Variants in RYR1 observed in about 807,000 individuals in gnomAD.
RYR1 encodes the protein central core disease of muscle.
A neutral mutation model predicts 583.5 loss-of-function variants in RYR1; 342 were observed. That is an observed-to-expected ratio of 0.59 (90% CI 0.54 to 0.64). The LOEUF (loss-of-function observed/expected upper bound fraction) is 0.64, where lower values mean the gene tolerates loss of function less well. Ranked by LOEUF, RYR1 falls within the 30% of genes least tolerant of loss-of-function variation. The pLI is 0.00. For synonymous variants in RYR1, 2,791 were observed against 2,822.5 expected, an observed-to-expected ratio of 0.99 and a Z score of 0.35; for missense variants, 6,032 against 6,917.2, an observed-to-expected ratio of 0.87 and a Z score of 4.54.
intron 2 of RYR1, among the ~76,000 whole-genome samples, chr19:38,441,671 G>A (rs1972692550): frequency 6.6e-6 from 1 of 151,290 alleles, no homozygotes; most frequent in Non-Finnish European, 1.5e-5. Flanking sequence ...GAAGGAGCCT[G>A]GGGTCTGAAA....
At chr19:38,501,779 T>C (rs2145609828) in intron 47 of RYR1, among the ~76,000 whole-genome samples, 1 of 152,036 alleles carries the variant, frequency 6.6e-6, no homozygotes, top group East Asian at 1.9e-4. Flanking sequence ...AAGCCAGGAT[T>C]TTGAGACCAG....
At chr19:38,449,281 GA>G (rs1363232349) in intron 11 of RYR1, among the ~76,000 whole-genome samples, 1 of 151,952 alleles carries the variant, frequency 6.6e-6, no homozygotes, top group Admixed American at 6.6e-5. Context: ...CCAACATGGT[GA>G]AACCCTGTCT....
chr19:38,434,234 C>G (rs1276636683), intron 1 of RYR1, among the ~76,000 whole-genome samples: 5 of 152,048 alleles, frequency 3.3e-5, no homozygotes, highest in Non-Finnish European at 5.9e-5. Context: ...GCCATCCCCC[C>G]ACCCCCACCT....
Position 38,512,243 on chromosome 19 carries a change from A to G in RYR1, c.9234-2A>G. 6.2e-7 allele frequency: 1 copy of G among 1,614,130 alleles called. No homozygotes were observed. On this transcript the variant is annotated splice_acceptor_variant, in intron 62 of 105. Transcript: ENST00000359596. LOFTEE classifies it high-confidence loss of function. The surrounding 1 kb of genome is among the most constrained non-coding windows in gnomAD (Gnocchi z 5.1). ...GCTGATGTTCCCCCGCTGCCCTTCT[A>G]GGACAGTGATGAAGTCAGGCCCTGA...
At position 38,587,458 on chromosome 19, in the gene RYR1, C is replaced by A; in HGVS notation, c.*38C>A. 6.7e-7 allele frequency: 1 copy of A among 1,491,326 alleles called. No individual in the cohort carries two copies. 92.4% of individuals were successfully genotyped at this position (1,491,326 alleles called of 1,614,324 possible). On this transcript the variant is annotated 3_prime_UTR_variant, in exon 106 of 106. Coordinates refer to ENST00000359596, the MANE Select transcript of RYR1 (RefSeq NM_000540.3). Reference sequence around the variant, plus strand: ...TGGCCCTCCACCCCCACCTCAAGTGCCTTATTCTCACAGCAAGCCCCTTAG... The same window carrying A: ...TGGCCCTCCACCCCCACCTCAAGTGACTTATTCTCACAGCAAGCCCCTTAG...
Position 38,502,887 on chromosome 19 carries a change from C to A in RYR1, c.7843C>A (p.Arg2615Ser). The change falls in exon 49 of 106, where the codon CGC (arginine) becomes AGC (serine). Residue 2615 changes from arginine to serine, a missense_variant. By Grantham distance (110) the Arg-to-Ser change is moderately radical. Transcript: ENST00000359596. Reference protein sequence around the residue: ...DCLMSLCRYIRPSMLQHLLRR... With the variant: ...DCLMSLCRYISPSMLQHLLRR... ...TTGTGCATTGTCCCGCAGGTACATCCGCCCGTCGATGCTGCAGCACCTGTT... is the reference window on the plus strand; with the variant it reads ...TTGTGCATTGTCCCGCAGGTACATCAGCCCGTCGATGCTGCAGCACCTGTT... 1.2e-6 allele frequency: 2 copies of A among 1,610,984 alleles called. No individual in the cohort carries two copies. The highest frequency in any genetic ancestry group is 1.7e-6 in the Non-Finnish European group (2 of 1,179,956).
At chr19:38,477,582 T>A (rs1968797022) in intron 29 of RYR1, 128 bp from the exon 30 acceptor site, 4 of 1,123,398 alleles carry the variant, frequency 3.6e-6, no homozygotes, top group Non-Finnish European at 5.3e-6. Context: ...GGTGGGGGAC[T>A]CAGATCCAAC....
intron 88 of RYR1, among the ~76,000 whole-genome samples, chr19:38,547,717 T>C (rs1454454940): frequency 7.0e-6 from 1 of 143,384 alleles, no homozygotes; most frequent in Non-Finnish European, 1.5e-5. Context: ...ATCATCATTA[T>C]CTTTTTTTTT....
At position 38,534,826 on chromosome 19, in the gene RYR1, C is replaced by T; in HGVS notation, c.11359+7C>T. On this transcript the variant is annotated splice_region_variant and intron_variant, in intron 79 of 105. Transcript: ENST00000359596. ...ATGATCAGTGCCTGCAAAGGTGCCCCTCACATGTGCACTGGACTCTTCCGA... is the reference window on the plus strand; with the variant it reads ...ATGATCAGTGCCTGCAAAGGTGCCCTTCACATGTGCACTGGACTCTTCCGA... 4 of 1,609,134 alleles carry T rather than the reference C, an allele frequency of 2.5e-6. No individual in the cohort carries two copies. Among genetic ancestry groups the T allele is most frequent in the African/African-American group, 2.7e-5 (2 of 75,010 alleles).
intron 26 of RYR1, 62 bp downstream of exon 26, chr19:38,469,202 A>G: frequency 6.2e-7 from 1 of 1,609,180 alleles, no homozygotes; most frequent in Non-Finnish European, 8.5e-7. Context: ...CCAACCCTGC[A>G]CTGCCCTTCT....
intron 2 of RYR1, among the ~76,000 whole-genome samples, chr19:38,441,528 A>T (rs1380656160): frequency 2.1e-5 from 2 of 94,374 alleles, no homozygotes; most frequent in South Asian, 6.6e-4. Context: ...GGGAATTCTG[A>T]GGGTGGGGGC....
intron 27 of RYR1, 101 bp from the exon 28 acceptor site, chr19:38,473,276 C>A: frequency 1.4e-6 from 2 of 1,410,502 alleles, no homozygotes; most frequent in Non-Finnish European, 2.0e-6. Flanking sequence ...CATGCAGGTG[C>A]ACTATGGCCT....
At position 38,529,067 on chromosome 19, in the gene RYR1, C is replaced by G. The variant is rs753259681; in HGVS notation, c.11141+10C>G. ...CCCTGACGGAAAAGAGGTGAAGACTCTTGCCAGGGCCCCAGAAATGCCCCC... is the reference window on the plus strand; with the variant it reads ...CCCTGACGGAAAAGAGGTGAAGACTGTTGCCAGGGCCCCAGAAATGCCCCC... On this transcript the variant is annotated intron_variant, in intron 76 of 105. Coordinates refer to ENST00000359596, the MANE Select transcript of RYR1 (RefSeq NM_000540.3). 19 of 1,612,918 alleles carry G rather than the reference C, an allele frequency of 1.2e-5. No individual in the cohort carries two copies. The highest frequency in any genetic ancestry group is 1.4e-5 in the Non-Finnish European group (17 of 1,179,810).
chr19:38,551,982 T>C (rs1338087402), intron 89 of RYR1, among the ~76,000 whole-genome samples: 1 of 152,102 alleles, frequency 6.6e-6, no homozygotes, highest in Non-Finnish European at 1.5e-5. Flanking sequence ...GGGTCTTGCT[T>C]TATCAGTCAG....
At chr19:38,542,817 A>G (rs12981340) in intron 84 of RYR1, among the ~76,000 whole-genome samples, 34,980 of 149,908 alleles carry the variant, frequency 0.23, 4,603 homozygotes, top group African/African-American at 0.36. Flanking sequence ...CACCGCTCCC[A>G]GCCTATTTTA....
intron 20 of RYR1, 120 bp from the exon 21 acceptor site, chr19:38,463,303 T>G: frequency 1.3e-6 from 1 of 770,094 alleles, no homozygotes. Context: ...GGCTGCTGGA[T>G]GGTGGGAAAG....
chr19:38,526,969 C>T lies in RYR1; in HGVS notation c.10627-24C>T, dbSNP rs762602088. ...AAGGAGGATGGGACCTCCAGAGTGA[C>T]CCAGCCTGGCTCTGTCTCCCCAGAA... On this transcript the variant is annotated intron_variant, in intron 71 of 105. Coordinates refer to ENST00000359596, the MANE Select transcript of RYR1 (RefSeq NM_000540.3). 14 of 1,613,378 alleles carry T rather than the reference C, an allele frequency of 8.7e-6. No homozygotes were observed. In the East Asian group the frequency reaches 1.1e-4, roughly 13 times the overall value.
chr19:38,536,027 G>A lies in RYR1; in HGVS notation c.11547G>A (p.Gln3849=), dbSNP rs142518033. ...SVLDLNAFER[Q]NKAEGLGMVN... is the part of the protein sequence containing the mutation. ...TGGATCTCAATGCCTTTGAGAGACAGAACAAGGCCGAGGGGCTGGGCATGG... is the reference window on the plus strand; with the variant it reads ...TGGATCTCAATGCCTTTGAGAGACAAAACAAGGCCGAGGGGCTGGGCATGG... The change falls in exon 82 of 106, where the codon CAG becomes CAA. Residue 3849 remains glutamine (Q), a synonymous_variant. Transcript: ENST00000359596. The A allele has an allele frequency of 0.019, 30,835 of 1,613,838 alleles. 361 individuals carry two copies. Among genetic ancestry groups the A allele is most frequent in the Middle Eastern group, 0.022 (131 of 6,060 alleles).
chr19:38,546,379 G>C (rs1972424776), intron 87 of RYR1, 66 bp from the exon 88 acceptor site: 1 of 1,405,650 alleles, frequency 7.1e-7, no homozygotes, highest in East Asian at 2.3e-5. Context: ...GGTGAGGAGG[G>C]GGAGAAGCAA....
Sources: gnomAD v4.1 joint callset for allele counts (sites outside exome capture counted in the v4.1 genomes callset) on GRCh38, gnomAD v4.1.1 for gene constraint, Gnocchi (gnomAD v3.1) non-coding constraint, MANE v1.5 for transcripts, NCBI Gene and HGNC (gene_info 2026-07-23, HGNC 2026-07-21) for gene names.